The following GLIS3 variants were observed in gnomAD, a reference collection of about 807,000 sequenced individuals.
The protein encoded by GLIS3 is GLIS family zinc finger 3.
GLIS3 carries 53 observed loss-of-function variants against 78.6 expected under a neutral mutation model. The observed-to-expected ratio is 0.67, with a 90% CI of 0.54 to 0.85. The LOEUF (loss-of-function observed/expected upper bound fraction) is 0.85. Among genes scored for constraint, GLIS3 ranks in the 40% least tolerant of loss-of-function variants. GLIS3 has a pLI of 0.00. For missense variants in GLIS3, 1,703 were observed against 1,231.1 expected (o/e 1.38, Z -5.74); for synonymous variants, 684 against 509.9 (o/e 1.34, Z -4.60).
rs1442237744 is a variant in GLIS3 at position 4,099,994 on chromosome 9, T to C, written c.1710+17774A>G. Among the ~76,000 whole-genome samples, 3 of 152,238 alleles carry C rather than the reference T, an allele frequency of 2.0e-5. No individual in the cohort carries two copies. The East Asian group carries it at 5.8e-4, about 29-fold the overall frequency. ...ACTCTCAGTTTCCCAGCCTGTAAAC[T>C]GGAAATAATTAGACCACTCATTCTG... On this transcript the variant is annotated intron_variant, in intron 4 of 10. Transcript: ENST00000381971.
At position 4,077,470 on chromosome 9, in the gene GLIS3, A is replaced by T. The variant is rs1828176659; in HGVS notation, c.1710+40298T>A. Among the ~76,000 whole-genome samples the T allele has an allele frequency of 2.0e-5, 3 of 152,176 alleles. No individual in the cohort carries two copies. The South Asian group carries it at 6.2e-4, about 32-fold the overall frequency. The stretch of plus-strand genomic sequence containing the variant: ...AAAATAAAACTTAGAAAGGAAAGAT[A>T]CTTCTCCTCAAAAAAAGGAAAGAGA... On this transcript the variant is annotated intron_variant, in intron 4 of 10. Coordinates refer to ENST00000381971, the MANE Select transcript of GLIS3 (RefSeq NM_001042413.2).
chr9:4,202,020 T>C (rs1819440554), intron 2 of GLIS3, among the ~76,000 whole-genome samples: 1 of 151,890 alleles, frequency 6.6e-6, no homozygotes, highest in African/African-American at 2.4e-5. Context: ...GCACCTGTAA[T>C]CCCAGCTATA....
chr9:4,392,687 G>C, the GLIS3 span, among the ~76,000 whole-genome samples: 1 of 152,138 alleles, frequency 6.6e-6, no homozygotes, highest in African/African-American at 2.4e-5. Flanking sequence ...AACTAAGGGA[G>C]GAGGGACACC....
intron 4 of GLIS3, among the ~76,000 whole-genome samples, chr9:4,010,275 C>T (rs190381008): frequency 6.6e-6 from 1 of 152,128 alleles, no homozygotes; most frequent in Non-Finnish European, 1.5e-5. Flanking sequence ...TAACCTTGGC[C>T]AAGTTATTCG....
chr9:4,102,394 G>A (rs1392960158), intron 4 of GLIS3, among the ~76,000 whole-genome samples: 7 of 152,014 alleles, frequency 4.6e-5, no homozygotes, highest in South Asian at 2.1e-4. Context: ...TCAGAATAAC[G>A]GCCCTGTCTC....
chr9:4,400,684 A>C, the GLIS3 span, among the ~76,000 whole-genome samples: 21,738 of 152,090 alleles, frequency 0.14, 1,657 homozygotes, highest in Middle Eastern at 0.2. Context: ...TGTTAAATAT[A>C]CTCTTTTAGA....
In GLIS3 at chr9:3,828,222, T is replaced by G. The variant is rs541298657; in HGVS notation, c.*50A>C. 109 of 1,611,706 alleles carry G rather than the reference T, an allele frequency of 6.8e-5. 1 individual carries two copies. The South Asian group carries it at 9.9e-4, about 15-fold the overall frequency. ...TCTGTGAGAGTACGAAAACAAAAGGTGGCAAGCAACATCAAGGTCCTGGGT... is the reference window on the plus strand; with the variant it reads ...TCTGTGAGAGTACGAAAACAAAAGGGGGCAAGCAACATCAAGGTCCTGGGT... On this transcript the variant is annotated 3_prime_UTR_variant, in exon 11 of 11. Transcript: ENST00000381971.
At chr9:4,404,829 G>A in the GLIS3 span, among the ~76,000 whole-genome samples, 1 of 151,882 alleles carries the variant, frequency 6.6e-6, no homozygotes, top group East Asian at 1.9e-4. Flanking sequence ...GGAACAAACT[G>A]AACCCAAAAT....
the GLIS3 span, among the ~76,000 whole-genome samples, chr9:4,417,301 A>G: frequency 5.9e-5 from 9 of 152,330 alleles, no homozygotes; most frequent in East Asian, 1.7e-3. Flanking sequence ...GACTGATATT[A>G]TTTAACTAAA....
intron 2 of GLIS3, among the ~76,000 whole-genome samples, chr9:4,186,694 A>C (rs10974379): frequency 0.071 from 10,711 of 151,678 alleles, 519 homozygotes; most frequent in East Asian, 0.22. Context: ...TGCCATTCTA[A>C]CTGGTGTGAG....
intron 2 of GLIS3, among the ~76,000 whole-genome samples, chr9:4,174,733 T>C (rs563934625): frequency 3.9e-5 from 6 of 152,356 alleles, no homozygotes; most frequent in Admixed American, 3.9e-4. Flanking sequence ...TTGCTTCATC[T>C]TGGAGATGTG....
chr9:3,844,171 T>A (rs1449513533), intron 9 of GLIS3, among the ~76,000 whole-genome samples: 16 of 152,216 alleles, frequency 1.1e-4, no homozygotes. Flanking sequence ...CTATTGTTTT[T>A]GTTGTTCTGT....
chr9:4,398,881 G>A, the GLIS3 span, among the ~76,000 whole-genome samples: 7 of 152,220 alleles, frequency 4.6e-5, no homozygotes, highest in South Asian at 1.0e-3. Flanking sequence ...TAGAGACAGG[G>A]TTTCACCATA....
chr9:4,470,482 T>A, the GLIS3 span, among the ~76,000 whole-genome samples: 133 of 152,220 alleles, frequency 8.7e-4, 1 homozygote, highest in Admixed American at 2.9e-3. Context: ...TCCAGCATAT[T>A]AACAGAACCA....
At chr9:4,221,275 G>C (rs1446849247) in intron 2 of GLIS3, among the ~76,000 whole-genome samples, 2 of 152,012 alleles carry the variant, frequency 1.3e-5, no homozygotes, top group Non-Finnish European at 2.9e-5. Flanking sequence ...CTGGGTGAAG[G>C]GCATATGGGA....
the GLIS3 span, among the ~76,000 whole-genome samples, chr9:4,398,405 G>A: frequency 2.0e-5 from 3 of 151,922 alleles, no homozygotes; most frequent in African/African-American, 7.3e-5. Flanking sequence ...GCATTCCCAG[G>A]TGATTCAAGT....
the GLIS3 span, among the ~76,000 whole-genome samples, chr9:4,452,283 C>T: frequency 1.8e-4 from 28 of 152,302 alleles, no homozygotes; most frequent in African/African-American, 6.7e-4. Flanking sequence ...TGTCCTCTCT[C>T]ACCACCCTTA....
At chr9:4,092,673 A>T (rs1201391902) in intron 4 of GLIS3, among the ~76,000 whole-genome samples, 1 of 152,202 alleles carries the variant, frequency 6.6e-6, no homozygotes, top group African/African-American at 2.4e-5. Flanking sequence ...CTTCAGGGGC[A>T]GTAACAAGCC....
the GLIS3 span, among the ~76,000 whole-genome samples, chr9:4,400,059 C>T: frequency 1.3e-5 from 2 of 152,152 alleles, no homozygotes; most frequent in East Asian, 3.8e-4. Context: ...TATGAAGAAC[C>T]TTGGAAGCCA....
Sources: allele counts gnomAD v4.1 joint callset (sites outside exome capture counted in the v4.1 genomes callset), GRCh38; gene constraint gnomAD v4.1.1; transcripts MANE v1.5; gene names NCBI Gene and HGNC (gene_info 2026-07-23, HGNC 2026-07-21).